The following GPATCH2L variants were observed in gnomAD, a reference collection of about 807,000 sequenced individuals.
GPATCH2L encodes the protein G patch domain-containing protein 2-like.
In GPATCH2L, 31 loss-of-function variants were observed where a neutral mutation model predicts 57.4. The observed-to-expected ratio is 0.54, with a 90% CI of 0.41 to 0.73. The LOEUF (loss-of-function observed/expected upper bound fraction) is 0.73. GPATCH2L is among the 30% of genes least tolerant of loss of function. GPATCH2L has a pLI of 0.00. For missense variants in GPATCH2L, 481 were observed against 599.9 expected (o/e 0.80, Z 2.07); for synonymous variants, 199 against 210.7 (o/e 0.94, Z 0.48).
chr14:76,219,385 A>G (rs1019790749), intron 1 of GPATCH2L, among the ~76,000 whole-genome samples: 1 of 152,228 alleles, frequency 6.6e-6, no homozygotes, highest in Non-Finnish European at 1.5e-5. Flanking sequence ...CCTACCAAAA[A>G]TAATAAAGTT....
chr14:76,187,963 T>C (rs1459375932), intron 8 of GPATCH2L, among the ~76,000 whole-genome samples: 1 of 152,178 alleles, frequency 6.6e-6, no homozygotes, highest in African/African-American at 2.4e-5. Context: ...AGTGAGAACA[T>C]GTGATTTTTG....
rs1190337447 is a variant in GPATCH2L at position 76,212,671 on chromosome 14, A to G, written c.*10820A>G. 1.3e-5 allele frequency: 2 copies of G among 152,164 alleles called. No individual in the cohort carries two copies. The highest frequency in any genetic ancestry group is 4.8e-5 in the African/African-American group (2 of 41,442). The allele number at this position is 152,164 out of a possible 1,614,324, so 9.4% of individuals were successfully genotyped here. A position where few individuals can be genotyped will look rare whatever the true frequency, so the allele number is the denominator to read the frequency against. On this transcript the variant is annotated 3_prime_UTR_variant, in exon 10 of 10. Transcript: ENST00000261530. ...TTGATGCATATTAGACTTTACCCTA[A>G]AAGTGGTAACTACACTTCAAAGTAT...
At chr14:76,168,910 T>C (rs2038964889) in intron 3 of GPATCH2L, among the ~76,000 whole-genome samples, 1 of 152,248 alleles carries the variant, frequency 6.6e-6, no homozygotes, top group South Asian at 2.1e-4. Context: ...GCAGTGGTTG[T>C]GTTCCTCTGC....
At chr14:76,189,919 T>G (rs2039902890) in intron 8 of GPATCH2L, among the ~76,000 whole-genome samples, 1 of 152,130 alleles carries the variant, frequency 6.6e-6, no homozygotes, top group Admixed American at 6.6e-5. Flanking sequence ...TATAAAAAGA[T>G]GAACTTTTCA....
chr14:76,224,889 A>G (rs2040530300), intron 1 of GPATCH2L, among the ~76,000 whole-genome samples: 1 of 152,190 alleles, frequency 6.6e-6, no homozygotes, highest in African/African-American at 2.4e-5. Flanking sequence ...AATATTTACA[A>G]TAGCATCGAA....
intron 3 of GPATCH2L, 50 bp from the exon 4 acceptor site, chr14:76,171,793 C>G (rs750555487): frequency 4.2e-6 from 5 of 1,176,584 alleles, no homozygotes; most frequent in African/African-American, 3.2e-5. Context: ...ATTTGTTTTT[C>G]TCAGACCTTG....
chr14:76,225,862 G>A (rs2040534519), intron 1 of GPATCH2L, among the ~76,000 whole-genome samples: 1 of 152,128 alleles, frequency 6.6e-6, no homozygotes, highest in East Asian at 1.9e-4. Context: ...ATCAAAAAGT[G>A]CTTAAACATC....
intron 4 of GPATCH2L, 29 bp from the exon 5 acceptor site, chr14:76,173,517 G>A (rs749098512): frequency 8.8e-6 from 13 of 1,469,838 alleles, no homozygotes; most frequent in South Asian, 4.7e-5. Context: ...TTCTGCATTC[G>A]GTATCTGAGG....
intron 7 of GPATCH2L, chr14:76,179,275 A>G (rs1053994040): frequency 2.0e-5 from 3 of 152,246 alleles, no homozygotes; most frequent in African/African-American, 7.2e-5. Flanking sequence ...AGATGTAATT[A>G]TGGTATCAAG....
In GPATCH2L at chr14:76,170,207, C is replaced by T. The variant is rs778641361; in HGVS notation, c.728-1636C>T. 3.3e-5 allele frequency among the ~76,000 whole-genome samples: 5 copies of T among 152,300 alleles called. No individual in the cohort carries two copies. The East Asian group carries it at 5.8e-4, about 18-fold the overall frequency. ...CAGTGATTTAAGAGTTATTATCCTG[C>T]GTGTTAATGACCCATGAATCTCATA... On this transcript the variant is annotated intron_variant, in intron 3 of 9. Transcript: ENST00000261530.
In GPATCH2L at chr14:76,202,496, A is replaced by T. The variant is rs1351992736; in HGVS notation, c.*645A>T. The T allele has an allele frequency of 6.6e-6, 1 of 152,082 alleles. No individual in the cohort carries two copies. The highest frequency in any genetic ancestry group is 2.4e-5 in the African/African-American group (1 of 41,124). The allele number at this position is 152,082 out of a possible 1,614,324, so 9.4% of individuals were successfully genotyped here. A position where few individuals can be genotyped will look rare whatever the true frequency, so the allele number is the denominator to read the frequency against. On this transcript the variant is annotated 3_prime_UTR_variant, in exon 10 of 10. Coordinates refer to ENST00000261530, the MANE Select transcript of GPATCH2L (RefSeq NM_017926.4). ...CAGCAGCTGTATTGTATTTTACCTC[A>T]TCTTCAGAGTTTATGTTCTACTGAA...
At position 76,154,462 on chromosome 14, in the gene GPATCH2L, A is replaced by G; in HGVS notation, c.99A>G (p.Arg33=). Residue 33 remains arginine (R), a synonymous_variant, in exon 2 of 10, where the codon CGA becomes CGG. Transcript: ENST00000261530. This position sits in a 1 kb window ranked among gnomAD's most constrained non-coding sequence, Gnocchi z 4.4. ...GGGAGGAGATGGCGCTGAGCCCCCGACAGCAGAGGCGGCAGCTTCGGAAAC... is the reference window on the plus strand; with the variant it reads ...GGGAGGAGATGGCGCTGAGCCCCCGGCAGCAGAGGCGGCAGCTTCGGAAAC... ...ELWEEMALSP[R]QQRRQLRKRR... 6.2e-7 allele frequency: 1 copy of G among 1,614,184 alleles called. No individual in the cohort carries two copies. The highest frequency in any genetic ancestry group is 8.5e-7 in the Non-Finnish European group (1 of 1,180,042).
Position 76,203,075 on chromosome 14 carries a change from C to T in GPATCH2L, c.*1224C>T, listed in dbSNP as rs1428606137. 1 of 152,224 alleles carries T rather than the reference C, an allele frequency of 6.6e-6. No homozygotes were observed. Among genetic ancestry groups the T allele is most frequent in the Non-Finnish European group, 1.5e-5 (1 of 68,060 alleles). 9.4% of individuals were successfully genotyped at this position (152,224 alleles called of 1,614,324 possible). ...TGGTCACATTGTAGAGGGACTCCCACTCATGCATCTGCTTATTTTCTGTCT... is the reference window on the plus strand; with the variant it reads ...TGGTCACATTGTAGAGGGACTCCCATTCATGCATCTGCTTATTTTCTGTCT... On this transcript the variant is annotated 3_prime_UTR_variant, in exon 10 of 10. Coordinates refer to ENST00000261530, the MANE Select transcript of GPATCH2L (RefSeq NM_017926.4).
intron 1 of GPATCH2L, among the ~76,000 whole-genome samples, chr14:76,222,695 G>A (rs926499870): frequency 6.6e-5 from 10 of 152,052 alleles, no homozygotes; most frequent in South Asian, 6.2e-4. Flanking sequence ...AGTGGCCCAC[G>A]CCTGTAATCC....
At position 76,210,464 on chromosome 14, in the gene GPATCH2L, CTT is replaced by C. The variant is rs1205361139; in HGVS notation, c.*8615_*8616del. 3 of 152,176 alleles carry C rather than the reference CTT, an allele frequency of 2.0e-5. No homozygotes were observed. The highest frequency in any genetic ancestry group is 7.2e-5 in the African/African-American group (3 of 41,444). 9.4% of individuals were successfully genotyped at this position (152,176 alleles called of 1,614,324 possible). A position where few individuals can be genotyped will look rare whatever the true frequency, so the allele number is the denominator to read the frequency against. ...CATGGGCCAGTGTCTGATGAGACCT[CTT>C]TATTGACTTGTTTGTCCTGGTGGGC... On this transcript the variant is annotated 3_prime_UTR_variant, in exon 10 of 10. Coordinates refer to ENST00000261530, the MANE Select transcript of GPATCH2L (RefSeq NM_017926.4).
Position 76,190,188 on chromosome 14 carries a change from GT to G in GPATCH2L, c.1194-5686del, listed in dbSNP as rs372423117. Among the ~76,000 whole-genome samples, 29 of 151,906 alleles carry G rather than the reference GT, an allele frequency of 1.9e-4. No individual in the cohort carries two copies. In the South Asian group the frequency reaches 5.8e-3, roughly 30 times the overall value. Reference sequence around the variant, plus strand: ...GCCCGGTTTCCTAAGTAACACTGCAGTTTTAACAACTCACCTGATCTTTCAG... The same window carrying G: ...GCCCGGTTTCCTAAGTAACACTGCAGTTTAACAACTCACCTGATCTTTCAG... On this transcript the variant is annotated intron_variant, in intron 8 of 9. Coordinates refer to ENST00000261530, the MANE Select transcript of GPATCH2L (RefSeq NM_017926.4).
chr14:76,172,007 C>G lies in GPATCH2L; in HGVS notation c.892C>G (p.Pro298Ala). The G allele has an allele frequency of 6.2e-7, 1 of 1,607,274 alleles. No individual in the cohort carries two copies. Among genetic ancestry groups the G allele is most frequent in the Non-Finnish European group, 8.5e-7 (1 of 1,176,460 alleles). ...TTCCACATTCCTTTTACCTTCTCGG[C>G]CAGCTCAAAGAGGTGAGTTCTGAGG... The part of the protein sequence containing the change: ...SDSTFLLPSR[P>A]AQRGYHTRLN... Residue 298 changes from proline (P) to alanine (A), a missense_variant, in exon 4 of 10, where the codon CCA (proline) becomes GCA (alanine). Around this residue, in one of 3 missense-constraint regions of GPATCH2L, gnomAD observed 248 missense variants for 270.5 expected, o/e 0.92. Transcript: ENST00000261530.
At chr14:76,167,220 G>C (rs78248791) in intron 3 of GPATCH2L, among the ~76,000 whole-genome samples, 1 of 152,096 alleles carries the variant, frequency 6.6e-6, no homozygotes, top group Non-Finnish European at 1.5e-5. Context: ...CTGGAGTATA[G>C]AGTCCTGTGA....
At chr14:76,196,437 G>GTTTTTTTTTTTTTTT (rs78248589) in intron 9 of GPATCH2L, 1 of 128,990 alleles carries the variant, frequency 7.8e-6, no homozygotes, top group Non-Finnish European at 1.6e-5. Flanking sequence ...AAACTTTTCA[G>GTTTTTTTTTTTTTTT]TTTTTTTTTT....
Sources: gnomAD v4.1 joint callset for allele counts (sites outside exome capture counted in the v4.1 genomes callset) on GRCh38, gnomAD v4.1.1 for gene constraint, gnomAD v4.1.1 regional missense constraint, Gnocchi (gnomAD v3.1) non-coding constraint, MANE v1.5 for transcripts, NCBI Gene and HGNC (gene_info 2026-07-23, HGNC 2026-07-21) for gene names.